The following NELL1 variants were observed in gnomAD, a reference collection of about 807,000 sequenced individuals.
NELL1 encodes neural EGFL like 1.
NELL1 carries 76 observed loss-of-function variants against 107.4 expected under a neutral mutation model. The observed-to-expected ratio is 0.71, with a 90% confidence interval of 0.59 to 0.86. The LOEUF (loss-of-function observed/expected upper bound fraction) is 0.86, where lower values mean the gene tolerates loss of function less well. Among genes scored for constraint, NELL1 ranks in the 40% least tolerant of loss-of-function variants. The pLI, the probability that NELL1 is intolerant of heterozygous loss-of-function variation, is 0.00. For synonymous variants in NELL1, 353 were observed against 341.2 expected (o/e 1.03, Z -0.38); for missense variants, 1,024 against 1,005.5 (o/e 1.02, Z -0.25).
At chr11:21,178,577 G>C (rs940205197) in intron 13 of NELL1, among the ~76,000 whole-genome samples, 1 of 151,420 alleles carries the variant, frequency 6.6e-6, no homozygotes, top group Non-Finnish European at 1.5e-5. Context: ...GACCAGCCCA[G>C]GCAATATAGT....
At chr11:20,692,790 T>G (rs1297696292) in intron 2 of NELL1, among the ~76,000 whole-genome samples, 1 of 152,190 alleles carries the variant, frequency 6.6e-6, no homozygotes, top group Non-Finnish European at 1.5e-5. Context: ...GTTCTGTAGA[T>G]GTCTATTAGG....
intron 12 of NELL1, among the ~76,000 whole-genome samples, chr11:20,976,303 A>C (rs1039747752): frequency 7.2e-5 from 11 of 152,002 alleles, no homozygotes; most frequent in African/African-American, 2.4e-4. Context: ...AGTATAGACA[A>C]TGAATGCCCA....
chr11:21,394,942 G>A (rs543299243), intron 15 of NELL1, among the ~76,000 whole-genome samples: 28 of 151,402 alleles, frequency 1.8e-4, no homozygotes, highest in Admixed American at 7.3e-4. Context: ...TAGGTTAATA[G>A]GCTACCAATT....
At chr11:20,922,606 G>T (rs1461534803) in intron 7 of NELL1, among the ~76,000 whole-genome samples, 1 of 152,004 alleles carries the variant, frequency 6.6e-6, no homozygotes, top group Non-Finnish European at 1.5e-5. Context: ...TAGGCCGATT[G>T]TGGCAGAATT....
chr11:20,769,785 G>A (rs1454581946), intron 2 of NELL1, among the ~76,000 whole-genome samples: 2 of 152,154 alleles, frequency 1.3e-5, no homozygotes, highest in East Asian at 3.9e-4. Flanking sequence ...GTGCCTGGCT[G>A]TGCTTCAGAC....
At chr11:21,350,755 A>G (rs1850791018) in intron 14 of NELL1, among the ~76,000 whole-genome samples, 1 of 152,190 alleles carries the variant, frequency 6.6e-6, no homozygotes, top group Admixed American at 6.6e-5. Flanking sequence ...TCAAGAATCT[A>G]TTAGGCTAAA....
rs1310512509 is a variant in NELL1 at position 20,730,980 on chromosome 11, A to G, written c.185-52700A>G. On this transcript the variant is annotated intron_variant, in intron 2 of 19. Transcript: ENST00000357134. ...TAGGGGAAGGATACATAGATCTCTG[A>G]AGATTTTCTTTGGTCATTGTTCTTT... 2.0e-5 allele frequency among the ~76,000 whole-genome samples: 3 copies of G among 152,164 alleles called. No homozygotes were observed. In the East Asian group the frequency reaches 5.8e-4, roughly 29 times the overall value.
At position 21,088,697 on chromosome 11, in the gene NELL1, C is replaced by T. The variant is rs138759116; in HGVS notation, c.1301-24892C>T. 3.1e-3 allele frequency among the ~76,000 whole-genome samples: 469 copies of T among 152,286 alleles called. 1 individual carries two copies. The highest frequency in any genetic ancestry group is 0.017 in the Middle Eastern group (5 of 294). ...TAGTTTCTTACCACGAACTGCTATTCATACCTCACGTCTAATTTTTTTAAA... is the reference window on the plus strand; with the variant it reads ...TAGTTTCTTACCACGAACTGCTATTTATACCTCACGTCTAATTTTTTTAAA... On this transcript the variant is annotated intron_variant, in intron 12 of 19. Transcript: ENST00000357134.
At chr11:21,387,722 T>G (rs531333647) in intron 15 of NELL1, among the ~76,000 whole-genome samples, 26 of 151,960 alleles carry the variant, frequency 1.7e-4, no homozygotes, top group African/African-American at 6.0e-4. Flanking sequence ...AATTGAACTC[T>G]GAATTCTGAG....
intron 4 of NELL1, among the ~76,000 whole-genome samples, chr11:20,870,768 G>A (rs1268323770): frequency 6.6e-6 from 1 of 152,202 alleles, no homozygotes; most frequent in East Asian, 1.9e-4. Flanking sequence ...TTCAGAACAG[G>A]AAATTTTATC....
intron 14 of NELL1, among the ~76,000 whole-genome samples, chr11:21,253,043 A>C (rs1329927608): frequency 6.6e-6 from 1 of 152,098 alleles, no homozygotes; most frequent in African/African-American, 2.4e-5. Flanking sequence ...AAGTAATCAA[A>C]TGTCTCTGTG....
chr11:21,059,267 T>G (rs1193076124), intron 12 of NELL1, among the ~76,000 whole-genome samples: 27 of 28,578 alleles, frequency 9.4e-4, no homozygotes, highest in Admixed American at 9.4e-3. Flanking sequence ...TTTGTTTTGT[T>G]TTTTTTTTTT....
intron 15 of NELL1, among the ~76,000 whole-genome samples, chr11:21,428,495 G>A (rs1396769226): frequency 1.3e-5 from 2 of 151,894 alleles, no homozygotes; most frequent in Non-Finnish European, 2.9e-5. Context: ...CACATTCCGG[G>A]GATATTCATT....
At chr11:21,363,911 C>T (rs2133742296) in intron 14 of NELL1, among the ~76,000 whole-genome samples, 2 of 152,244 alleles carry the variant, frequency 1.3e-5, no homozygotes, top group East Asian at 1.9e-4. Flanking sequence ...TTATCTGTCT[C>T]CTCAACCCAT....
chr11:20,704,514 A>G (rs933543405), intron 2 of NELL1, among the ~76,000 whole-genome samples: 2 of 152,162 alleles, frequency 1.3e-5, no homozygotes, highest in Non-Finnish European at 2.9e-5. Flanking sequence ...ATTTAAGGTC[A>G]ATATTAGTAT....
At chr11:20,819,786 C>G (rs1046582111) in intron 3 of NELL1, among the ~76,000 whole-genome samples, 4 of 152,150 alleles carry the variant, frequency 2.6e-5, no homozygotes, top group African/African-American at 9.7e-5. Context: ...TATCTTTACC[C>G]ACTTTTTTGC....
chr11:21,062,275 A>G (rs1853760017), intron 12 of NELL1, among the ~76,000 whole-genome samples: 1 of 152,216 alleles, frequency 6.6e-6, no homozygotes, highest in South Asian at 2.1e-4. Context: ...AAAATATATA[A>G]TGAACATTAG....
At chr11:20,850,240 C>A (rs1453075116) in intron 4 of NELL1, among the ~76,000 whole-genome samples, 1 of 152,194 alleles carries the variant, frequency 6.6e-6, no homozygotes, top group Non-Finnish European at 1.5e-5. Flanking sequence ...CTGGTTCTAT[C>A]ACTTTTAGTC....
intron 3 of NELL1, among the ~76,000 whole-genome samples, chr11:20,845,467 T>C (rs1280213347): frequency 6.6e-6 from 1 of 152,142 alleles, no homozygotes; most frequent in Non-Finnish European, 1.5e-5. Flanking sequence ...TTGAAGCCCT[T>C]TCAAGGTCAT....
Sources: allele counts gnomAD v4.1 joint callset (sites outside exome capture counted in the v4.1 genomes callset), GRCh38; gene constraint gnomAD v4.1.1; transcripts MANE v1.5; gene names NCBI Gene and HGNC (gene_info 2026-07-23, HGNC 2026-07-21).